The following RALGAPA2 variants were observed in gnomAD, a reference collection of about 807,000 sequenced individuals.
The protein encoded by RALGAPA2 is Ral GTPase activating protein catalytic subunit alpha 2, also known as ral GTPase-activating protein subunit alpha-2.
Under a neutral mutation model 230.4 loss-of-function variants are expected in RALGAPA2, and 139 were observed. That is an observed-to-expected ratio of 0.60 (90% CI 0.53 to 0.69). The LOEUF (loss-of-function observed/expected upper bound fraction) is 0.69, where lower values mean the gene tolerates loss of function less well. Ranked by LOEUF, RALGAPA2 falls within the 30% of genes least tolerant of loss-of-function variation. The pLI, the probability that RALGAPA2 is intolerant of heterozygous loss-of-function variation, is 0.00. For missense variants in RALGAPA2, 2,163 were observed against 2,276.0 expected (o/e 0.95, Z 1.01); for synonymous variants, 847 against 837.8 (o/e 1.01, Z -0.19).
At chr20:20,599,663 T>G (rs755631570) in intron 16 of RALGAPA2, among the ~76,000 whole-genome samples, 12 of 152,204 alleles carry the variant, frequency 7.9e-5, no homozygotes, top group Non-Finnish European at 1.5e-4. Flanking sequence ...TTTACCCTAC[T>G]GCCCTTTCTC....
At chr20:20,420,277 T>C (rs1809611727) in intron 37 of RALGAPA2, among the ~76,000 whole-genome samples, 1 of 152,304 alleles carries the variant, frequency 6.6e-6, no homozygotes. Flanking sequence ...GGAAGCAACA[T>C]GATGTCACTT....
intron 38 of RALGAPA2, among the ~76,000 whole-genome samples, chr20:20,406,229 T>C (rs1307308622): frequency 1.3e-5 from 2 of 152,162 alleles, no homozygotes; most frequent in Non-Finnish European, 2.9e-5. Flanking sequence ...AATCCGAATC[T>C]AGTGGAGGGA....
chr20:20,707,194 T>C (rs542711687), intron 1 of RALGAPA2, among the ~76,000 whole-genome samples: 1 of 152,208 alleles, frequency 6.6e-6, no homozygotes, highest in Non-Finnish European at 1.5e-5. Context: ...AAGGTGTTTA[T>C]TGGTAGTCAG....
intron 35 of RALGAPA2, among the ~76,000 whole-genome samples, chr20:20,502,060 T>C (rs542277826): frequency 8.5e-5 from 13 of 152,262 alleles, no homozygotes; most frequent in African/African-American, 1.9e-4. Flanking sequence ...ATAATAATAA[T>C]AGAAATATTG....
intron 23 of RALGAPA2, among the ~76,000 whole-genome samples, chr20:20,565,367 A>G (rs753718702): frequency 6.6e-6 from 1 of 152,234 alleles, no homozygotes; most frequent in Non-Finnish European, 1.5e-5. Flanking sequence ...ATTATTACAT[A>G]TGACTGCATG....
At position 20,680,786 on chromosome 20, in the gene RALGAPA2, T is replaced by C; in HGVS notation, c.122A>G (p.Asn41Ser). 1 of 1,577,666 alleles carries C rather than the reference T, an allele frequency of 6.3e-7. No homozygotes were observed. ...GGTCTCAAAAAACTGCTTAAGATCATTTGCATCCACATTATCTGAAAAGAA... is the reference window on the plus strand; with the variant it reads ...GGTCTCAAAAAACTGCTTAAGATCACTTGCATCCACATTATCTGAAAAGAA... ...LRALLDNVDA[N>S]DLKQFFETNY... is the part of the protein sequence containing the mutation. Residue 41 changes from asparagine (N) to serine (S), a missense_variant, in exon 2 of 40, where the codon AAT (asparagine) becomes AGT (serine). Transcript: ENST00000202677.
intron 37 of RALGAPA2, chr20:20,472,590 C>T (rs2061563862): frequency 3.3e-6 from 1 of 307,132 alleles, no homozygotes; most frequent in African/African-American, 2.2e-5. Context: ...GCTTCTCAGA[C>T]ACAAACGTAT....
intron 37 of RALGAPA2, among the ~76,000 whole-genome samples, chr20:20,468,574 A>G (rs2061470673): frequency 6.6e-6 from 1 of 152,166 alleles, no homozygotes; most frequent in Admixed American, 6.5e-5. Flanking sequence ...AAAACCACCC[A>G]GTAGGATGTC....
At chr20:20,394,617 T>G (rs1406046028) in intron 39 of RALGAPA2, among the ~76,000 whole-genome samples, 2 of 97,806 alleles carry the variant, frequency 2.0e-5, no homozygotes, top group African/African-American at 3.7e-5. Flanking sequence ...GGTGACAAAG[T>G]GAGACCCAGT....
intron 37 of RALGAPA2, among the ~76,000 whole-genome samples, chr20:20,463,326 C>G (rs1602443752): frequency 6.6e-6 from 1 of 152,042 alleles, no homozygotes; most frequent in East Asian, 1.9e-4. Context: ...GGTGGGCCTT[C>G]CTGGTTGAGT....
chr20:20,461,230 T>C (rs2061294931), intron 37 of RALGAPA2, among the ~76,000 whole-genome samples: 1 of 152,226 alleles, frequency 6.6e-6, no homozygotes, highest in Admixed American at 6.5e-5. Context: ...TCTAAATCAA[T>C]GAGTAAACGG....
At chr20:20,513,782 T>C (rs1485488800) in intron 31 of RALGAPA2, among the ~76,000 whole-genome samples, 3 of 152,180 alleles carry the variant, frequency 2.0e-5, no homozygotes, top group Non-Finnish European at 2.9e-5. Context: ...ACAGGAGCAC[T>C]TGCTCTGGAG....
chr20:20,606,295 C>T lies in RALGAPA2; in HGVS notation c.1801-883G>A, dbSNP rs531018666. On this transcript the variant is annotated intron_variant, in intron 14 of 39. Coordinates refer to ENST00000202677, the MANE Select transcript of RALGAPA2 (RefSeq NM_020343.4). ...CCACCTTCTGCCTGAGTTTTGGCTC[C>T]ATTCCCATGGCTCCAGTTATCCTCT... Among the ~76,000 whole-genome samples the T allele has an allele frequency of 7.9e-5, 12 of 152,208 alleles. No homozygotes were observed. The South Asian group carries it at 2.3e-3, about 29-fold the overall frequency.
At chr20:20,547,468 T>A (rs572161599) in intron 23 of RALGAPA2, among the ~76,000 whole-genome samples, 1 of 152,226 alleles carries the variant, frequency 6.6e-6, no homozygotes, top group East Asian at 1.9e-4. Flanking sequence ...CCAGACATCT[T>A]GTGTTCCTGT....
intron 23 of RALGAPA2, among the ~76,000 whole-genome samples, chr20:20,556,215 C>A (rs2064078977): frequency 6.6e-6 from 1 of 152,176 alleles, no homozygotes. Context: ...GCTCCCTCAG[C>A]CCCAAGTCCT....
intron 37 of RALGAPA2, among the ~76,000 whole-genome samples, chr20:20,435,866 A>G (rs1010982036): frequency 6.6e-6 from 1 of 152,228 alleles, no homozygotes; most frequent in East Asian, 1.9e-4. Context: ...TTGAGCTCAC[A>G]TGGACAAGAA....
chr20:20,512,739 C>T lies in RALGAPA2; in HGVS notation c.4630G>A (p.Glu1544Lys). The part of the protein sequence containing the change: ...CLLPSQLNLN[E>K]PSLTPCGMNY... ...ATGCCACATGGGGTTAGGGAAGGTT[C>T]ATTTAGATTTAGCTGTGACGGTAAA... is the stretch of plus-strand genomic sequence containing the variant. Residue 1544 changes from glutamate to lysine, a missense_variant, in exon 32 of 40, where the codon GAA (glutamate) becomes AAA (lysine). Physicochemically the swap from Glu to Lys is moderately conservative, Grantham distance 56. Transcript: ENST00000202677. The T allele has an allele frequency of 1.2e-6, 2 of 1,613,802 alleles. No individual in the cohort carries two copies. The highest frequency in any genetic ancestry group is 1.7e-6 in the Non-Finnish European group (2 of 1,179,740).
intron 26 of RALGAPA2, among the ~76,000 whole-genome samples, chr20:20,532,929 C>T (rs978776913): frequency 1.3e-5 from 2 of 151,372 alleles, no homozygotes; most frequent in Non-Finnish European, 2.9e-5. Flanking sequence ...TAGCTGCAGG[C>T]TTGGTAAGTA....
chr20:20,393,569 G>A (rs1387191758), intron 39 of RALGAPA2, among the ~76,000 whole-genome samples: 1 of 152,204 alleles, frequency 6.6e-6, no homozygotes, highest in African/African-American at 2.4e-5. Flanking sequence ...TGAAAGGGAG[G>A]AAGAGCCACT....
Sources: gnomAD v4.1 joint callset for allele counts (sites outside exome capture counted in the v4.1 genomes callset) on GRCh38, gnomAD v4.1.1 for gene constraint, MANE v1.5 for transcripts, NCBI Gene and HGNC (gene_info 2026-07-23, HGNC 2026-07-21) for gene names.